Variants in DCDC2 observed in about 807,000 individuals in gnomAD.
DCDC2 encodes doublecortin domain containing 2.
DCDC2 carries 40 observed loss-of-function variants against 50.2 expected under a neutral mutation model. The observed-to-expected ratio is 0.80, with a 90% CI of 0.62 to 1.04. The LOEUF is 1.04. Ranked by LOEUF, DCDC2 falls within the 50% of genes least tolerant of loss-of-function variation. The pLI, the probability that DCDC2 is intolerant of heterozygous loss-of-function variation, is 0.00. For missense variants in DCDC2, 570 were observed against 581.9 expected (o/e 0.98, Z 0.21); for synonymous variants, 234 against 210.6 (o/e 1.11, Z -0.96).
At chr6:24,238,941 G>T (rs1762509176) in intron 7 of DCDC2, among the ~76,000 whole-genome samples, 1 of 152,184 alleles carries the variant, frequency 6.6e-6, no homozygotes, top group South Asian at 2.1e-4. Context: ...CCTACTATAG[G>T]AGAGAGTATT....
intron 2 of DCDC2, among the ~76,000 whole-genome samples, chr6:24,324,278 ACCACC>A (rs1000572044): frequency 6.6e-6 from 1 of 152,154 alleles, no homozygotes; most frequent in African/African-American, 2.4e-5. Flanking sequence ...GGCCCCAGTG[ACCACC>A]CCCTTACCTA....
chr6:24,238,305 C>T (rs983603914), intron 7 of DCDC2, among the ~76,000 whole-genome samples: 1 of 149,166 alleles, frequency 6.7e-6, no homozygotes, highest in African/African-American at 2.5e-5. Flanking sequence ...TCTCACATTA[C>T]TATTATTTTT....
At chr6:24,368,262 G>A in the DCDC2 span, among the ~76,000 whole-genome samples, 15 of 151,920 alleles carry the variant, frequency 9.9e-5, no homozygotes, top group Non-Finnish European at 1.2e-4. Context: ...ATTCCAGAAG[G>A]AGACACAAAG....
At chr6:24,279,408 C>G (rs1410402489) in intron 6 of DCDC2, among the ~76,000 whole-genome samples, 1 of 152,002 alleles carries the variant, frequency 6.6e-6, no homozygotes, top group Non-Finnish European at 1.5e-5. Flanking sequence ...GACCCTCCAT[C>G]TCTAAAATTA....
At chr6:24,337,421 C>CA (rs537457041) in intron 2 of DCDC2, among the ~76,000 whole-genome samples, 59 of 142,808 alleles carry the variant, frequency 4.1e-4, no homozygotes, top group Admixed American at 7.7e-4. Flanking sequence ...TTTGCAAAGC[C>CA]AAAAAAAAAA....
chr6:24,272,212 AAACT>A (rs1763253678), intron 7 of DCDC2, among the ~76,000 whole-genome samples: 1 of 152,232 alleles, frequency 6.6e-6, no homozygotes, highest in Non-Finnish European at 1.5e-5. Context: ...ACACATTTTG[AAACT>A]AACTTTTATT....
At chr6:24,342,159 G>C (rs1430206324) in intron 2 of DCDC2, among the ~76,000 whole-genome samples, 3 of 152,128 alleles carry the variant, frequency 2.0e-5, no homozygotes. Context: ...TACAGTTAGT[G>C]GGGGAAAACT....
chr6:24,355,473 G>A (rs1760450990), intron 1 of DCDC2, among the ~76,000 whole-genome samples: 1 of 152,144 alleles, frequency 6.6e-6, no homozygotes, highest in Non-Finnish European at 1.5e-5. Context: ...TTATATTTAT[G>A]TAACACTTTG....
chr6:24,308,356 T>C (rs1410412648), intron 2 of DCDC2, among the ~76,000 whole-genome samples: 1 of 152,186 alleles, frequency 6.6e-6, no homozygotes, highest in Non-Finnish European at 1.5e-5. Context: ...AAACTAAATC[T>C]AACTAAAACG....
At chr6:24,366,847 ATC>A in the DCDC2 span, among the ~76,000 whole-genome samples, 89 of 120,544 alleles carry the variant, frequency 7.4e-4, no homozygotes, top group East Asian at 7.0e-3. Flanking sequence ...TAAAATCTAA[ATC>A]TTTTTTTTTT....
chr6:24,211,321 A>G (rs1353755814), intron 7 of DCDC2, among the ~76,000 whole-genome samples: 3 of 152,210 alleles, frequency 2.0e-5, no homozygotes, highest in Non-Finnish European at 4.4e-5. Context: ...AGAGGAGAAC[A>G]AAGGGAACTG....
intron 2 of DCDC2, among the ~76,000 whole-genome samples, chr6:24,345,412 C>G (rs543902901): frequency 3.9e-4 from 60 of 152,236 alleles, no homozygotes; most frequent in Non-Finnish European, 7.6e-4. Context: ...TGAAGTACAA[C>G]CCGGGTTCCC....
At chr6:24,370,625 G>T in the DCDC2 span, among the ~76,000 whole-genome samples, 500 of 152,274 alleles carry the variant, frequency 3.3e-3, 1 homozygote, top group African/African-American at 0.011. Flanking sequence ...CAAGAGGATT[G>T]CTCGGGCCTG....
intron 7 of DCDC2, among the ~76,000 whole-genome samples, chr6:24,256,303 G>C (rs1204502872): frequency 6.9e-6 from 1 of 145,010 alleles, no homozygotes; most frequent in Admixed American, 6.9e-5. Flanking sequence ...TCTGACTGTT[G>C]ATTACATTAG....
intron 7 of DCDC2, among the ~76,000 whole-genome samples, chr6:24,263,946 T>C (rs919403819): frequency 6.6e-6 from 1 of 151,778 alleles, no homozygotes; most frequent in African/African-American, 2.4e-5. Context: ...ATAATCCAAC[T>C]CCCAAAGGTC....
At chr6:24,197,325 G>A (rs1046829030) in intron 8 of DCDC2, among the ~76,000 whole-genome samples, 3 of 152,160 alleles carry the variant, frequency 2.0e-5, no homozygotes, top group Non-Finnish European at 4.4e-5. Flanking sequence ...TCACAGATTT[G>A]CAAGTTGTTA....
At chr6:24,197,270 A>G (rs939112228) in intron 8 of DCDC2, among the ~76,000 whole-genome samples, 4 of 151,932 alleles carry the variant, frequency 2.6e-5, no homozygotes, top group Non-Finnish European at 5.9e-5. Context: ...TTCCCTCCCA[A>G]CTCCCCTTCC....
chr6:24,316,316 G>T (rs967000869), intron 2 of DCDC2, among the ~76,000 whole-genome samples: 1 of 152,142 alleles, frequency 6.6e-6, no homozygotes, highest in African/African-American at 2.4e-5. Flanking sequence ...CCAAGCTTTG[G>T]GGTTGGGTAA....
At chr6:24,377,542 T>C in the DCDC2 span, among the ~76,000 whole-genome samples, 2 of 152,212 alleles carry the variant, frequency 1.3e-5, no homozygotes, top group Admixed American at 1.3e-4. Flanking sequence ...CAAAAAAGAC[T>C]GGTTGTGTTG....
Sources: gnomAD v4.1 joint callset for allele counts (sites outside exome capture counted in the v4.1 genomes callset) on GRCh38, gnomAD v4.1.1 for gene constraint, MANE v1.5 for transcripts, NCBI Gene and HGNC (gene_info 2026-07-23, HGNC 2026-07-21) for gene names.